The following NRTN variants were observed in gnomAD, a reference collection of about 807,000 sequenced individuals.
The protein encoded by NRTN is neurturin.
NRTN carries 3 observed loss-of-function variants against 7.5 expected under a neutral mutation model. That is an observed-to-expected ratio of 0.40 (90% confidence interval 0.18 to 1.03). The LOEUF is 1.03. NRTN is among the 50% of genes least tolerant of loss of function. NRTN has a pLI of 0.34. For missense variants in NRTN, 310 were observed against 307.0 expected, an observed-to-expected ratio of 1.01 and a Z score of -0.07; for synonymous variants, 157 against 146.6, an observed-to-expected ratio of 1.07 and a Z score of -0.51.
rs545351139 is a variant in NRTN at position 5,825,191 on chromosome 19, T to A, written c.169+857T>A. Among the ~76,000 whole-genome samples, 8 of 152,136 alleles carry A rather than the reference T, an allele frequency of 5.3e-5. No individual in the cohort carries two copies. The East Asian group carries it at 1.6e-3, about 30-fold the overall frequency. On this transcript the variant is annotated intron_variant, in intron 2 of 2. Transcript: ENST00000303212. ...GCACAGACACGGGCAAAAGTGCTGCTATAGGGACACAGAAATGCCCACCCT... is the reference window on the plus strand; with the variant it reads ...GCACAGACACGGGCAAAAGTGCTGCAATAGGGACACAGAAATGCCCACCCT...
rs1378421609 is a variant in NRTN, at chr19:5,824,363, T to C, written c.169+29T>C. The C allele has an allele frequency of 1.9e-6, 3 of 1,578,514 alleles. 1 individual carries two copies. The highest frequency in any genetic ancestry group is 3.7e-5 in the Admixed American group (2 of 54,666). ...AGCTCCTCCTCTGTGTGGGGTCAGA[T>C]ACCCCCAACGTAAGGGGTAGAATTT... On this transcript the variant is annotated intron_variant, in intron 2 of 2. Coordinates refer to ENST00000303212, the MANE Select transcript of NRTN (RefSeq NM_004558.5).
chr19:5,810,889 A>G (rs188142858), intron 1 of NRTN, among the ~76,000 whole-genome samples: 53 of 151,584 alleles, frequency 3.5e-4, no homozygotes, highest in African/African-American at 1.3e-3. Flanking sequence ...AGATCGCTCC[A>G]CTGCACTCCA....
At chr19:5,820,683 C>T (rs1458626232) in intron 1 of NRTN, among the ~76,000 whole-genome samples, 3 of 136,530 alleles carry the variant, frequency 2.2e-5, no homozygotes, top group African/African-American at 8.3e-5. Context: ...GAGCCGAGAT[C>T]GCACCACTGT....
chr19:5,820,999 G>C (rs2057022801), intron 1 of NRTN, among the ~76,000 whole-genome samples: 1 of 152,068 alleles, frequency 6.6e-6, no homozygotes, highest in Non-Finnish European at 1.5e-5. Flanking sequence ...CAGGGCCTTT[G>C]CACAGGCCAT....
chr19:5,813,708 C>T (rs987083622), intron 1 of NRTN, among the ~76,000 whole-genome samples: 18 of 150,160 alleles, frequency 1.2e-4, no homozygotes, highest in Non-Finnish European at 2.1e-4. Context: ...GGCATGGTGG[C>T]GCACACCTGT....
chr19:5,815,076 C>T (rs544970888), intron 1 of NRTN, among the ~76,000 whole-genome samples: 2 of 152,350 alleles, frequency 1.3e-5, no homozygotes, highest in Admixed American at 6.5e-5. Context: ...CCTCCTCTCA[C>T]TCTCCTCCCA....
chr19:5,805,805 C>T (rs1199057913), intron 1 of NRTN, among the ~76,000 whole-genome samples: 4 of 152,064 alleles, frequency 2.6e-5, no homozygotes, highest in Non-Finnish European at 5.9e-5. Flanking sequence ...GGGCGAGACC[C>T]AGACAGCCCT....
intron 1 of NRTN, among the ~76,000 whole-genome samples, chr19:5,809,213 C>T (rs1240300160): frequency 6.6e-6 from 1 of 150,910 alleles, no homozygotes; most frequent in African/African-American, 2.4e-5. Flanking sequence ...CTCTGTCGCC[C>T]AGACTAGAGT....
At chr19:5,823,322 C>T (rs1477859581) in intron 1 of NRTN, among the ~76,000 whole-genome samples, 1 of 151,380 alleles carries the variant, frequency 6.6e-6, no homozygotes, top group Admixed American at 6.6e-5. Flanking sequence ...GGGGCTGAGG[C>T]AGGAGAATCG....
At chr19:5,811,703 GT>G (rs972487156) in intron 1 of NRTN, among the ~76,000 whole-genome samples, 2 of 134,350 alleles carry the variant, frequency 1.5e-5, no homozygotes, top group African/African-American at 6.0e-5. Context: ...CGGCTAATTT[GT>G]TTTTTGTTTT....
At chr19:5,809,738 G>A (rs1037794937) in intron 1 of NRTN, among the ~76,000 whole-genome samples, 9 of 152,050 alleles carry the variant, frequency 5.9e-5, no homozygotes, top group African/African-American at 2.2e-4. Flanking sequence ...CCTTTTACTG[G>A]CTGGATCTGC....
Position 5,824,466 on chromosome 19 carries a change from G to C in NRTN, c.169+132G>C. ...GGGCCAGCCAGCCCCCTTGCAGGGA[G>C]GCAGGGACAGACATCCTAAAAGATT... On this transcript the variant is annotated intron_variant, in intron 2 of 2. Coordinates refer to ENST00000303212, the MANE Select transcript of NRTN (RefSeq NM_004558.5). 3 of 1,150,398 alleles carry C rather than the reference G, an allele frequency of 2.6e-6. No homozygotes were observed. In the African/African-American group the frequency reaches 4.6e-5, roughly 18 times the overall value. 71.3% of individuals were successfully genotyped at this position (1,150,398 alleles called of 1,614,324 possible).
chr19:5,817,944 C>T (rs113732036), intron 1 of NRTN, among the ~76,000 whole-genome samples: 21,014 of 151,572 alleles, frequency 0.14, 2,197 homozygotes, highest in East Asian at 0.44. Context: ...GGATTACAGG[C>T]GCACACTGCC....
chr19:5,811,666 G>A (rs1016629167), intron 1 of NRTN, among the ~76,000 whole-genome samples: 1 of 151,526 alleles, frequency 6.6e-6, no homozygotes, highest in Non-Finnish European at 1.5e-5. Context: ...CTGAGTAGCT[G>A]GGACTGGTGG....
rs2056975511 is a variant in NRTN, at chr19:5,806,470, CAT to C, written c.-399+1020_-399+1021del. Among the ~76,000 whole-genome samples the C allele has an allele frequency of 1.3e-5, 2 of 152,152 alleles. No homozygotes were observed. Among genetic ancestry groups the C allele is most frequent in the African/African-American group, 4.8e-5 (2 of 41,440 alleles). ...GTTCTCTACATCCTTGTCCCTGTTC[CAT>C]GGCCCTCTTTGTCTGTCTCTGAGTG... On this transcript the variant is annotated intron_variant, in intron 1 of 2. Coordinates refer to ENST00000303212, the MANE Select transcript of NRTN (RefSeq NM_004558.5). The surrounding 1 kb of genome is among the most constrained non-coding windows in gnomAD (Gnocchi z 5.4).
At chr19:5,813,348 A>G (rs2056995915) in intron 1 of NRTN, among the ~76,000 whole-genome samples, 2 of 152,016 alleles carry the variant, frequency 1.3e-5, no homozygotes, top group East Asian at 1.9e-4. Context: ...CAGCCTGGCC[A>G]ACATGGTGAA....
At chr19:5,821,986 C>T (rs1031209383) in intron 1 of NRTN, among the ~76,000 whole-genome samples, 11 of 152,150 alleles carry the variant, frequency 7.2e-5, no homozygotes, top group African/African-American at 1.7e-4. Flanking sequence ...CCATTTTGTG[C>T]CTCGGTTTCC....
intron 1 of NRTN, among the ~76,000 whole-genome samples, chr19:5,816,400 A>G (rs976887920): frequency 3.3e-5 from 5 of 151,550 alleles, no homozygotes; most frequent in African/African-American, 1.2e-4. Context: ...CATTTTTGAG[A>G]CGGAGTCTTG....
rs532756700 is a variant in NRTN, at chr19:5,806,916, G to T, written c.-399+1465G>T. 6.6e-6 allele frequency among the ~76,000 whole-genome samples: 1 copy of T among 152,308 alleles called. No homozygotes were observed. Among genetic ancestry groups the T allele is most frequent in the African/African-American group, 2.4e-5 (1 of 41,564 alleles). On this transcript the variant is annotated intron_variant, in intron 1 of 2. Coordinates refer to ENST00000303212, the MANE Select transcript of NRTN (RefSeq NM_004558.5). This position sits in a 1 kb window ranked among gnomAD's most constrained non-coding sequence, Gnocchi z 5.4. Reference sequence around the variant, plus strand: ...ATCAAAAGATTGTTTCGACAAATGTGTGTCGATGGCAACCGCGTGGTTGAC... The same window carrying T: ...ATCAAAAGATTGTTTCGACAAATGTTTGTCGATGGCAACCGCGTGGTTGAC...
Sources: allele counts gnomAD v4.1 joint callset (sites outside exome capture counted in the v4.1 genomes callset), GRCh38; gene constraint gnomAD v4.1.1; non-coding constraint Gnocchi (gnomAD v3.1); transcripts MANE v1.5; gene names NCBI Gene and HGNC (gene_info 2026-07-23, HGNC 2026-07-21).